INTS15: variants seen among roughly 807,000 people sequenced by gnomAD.
INTS15 encodes the protein integrator complex subunit 15, also known as uncharacterized protein C7orf26.
the INTS15 span, among the ~76,000 whole-genome samples, chr7:6,606,451 G>A: frequency 6.6e-6 from 1 of 152,138 alleles, no homozygotes; most frequent in Non-Finnish European, 1.5e-5. Flanking sequence ...ATAATATGCA[G>A]GGACGGAGCC....
the INTS15 span, among the ~76,000 whole-genome samples, chr7:6,595,589 C>T: frequency 6.6e-6 from 1 of 152,200 alleles, no homozygotes; most frequent in Non-Finnish European, 1.5e-5. Context: ...AAGTGGCAGG[C>T]AGCCCAGAAA....
the INTS15 span, chr7:6,608,286 G>T: frequency 2.1e-6 from 3 of 1,459,384 alleles, no homozygotes; most frequent in South Asian, 4.1e-5. Flanking sequence ...CGGCAGAACC[G>T]TCTTGGTGTC....
At chr7:6,590,230 G>C in the INTS15 span, 3 of 1,406,988 alleles carry the variant, frequency 2.1e-6, no homozygotes, top group Admixed American at 9.0e-5. Context: ...GCGCAGTCCC[G>C]GGCCCCGGGC....
the INTS15 span, among the ~76,000 whole-genome samples, chr7:6,594,984 T>C: frequency 6.6e-6 from 1 of 152,166 alleles, no homozygotes; most frequent in Non-Finnish European, 1.5e-5. Context: ...CGCCTCGGCC[T>C]CCCAAACTGC....
chr7:6,604,322 G>A, the INTS15 span, among the ~76,000 whole-genome samples: 13 of 152,268 alleles, frequency 8.5e-5, no homozygotes, highest in South Asian at 6.2e-4. Flanking sequence ...GTCCTACAGC[G>A]GGGTGATACT....
the INTS15 span, chr7:6,594,443 C>T: frequency 1.2e-5 from 20 of 1,613,904 alleles, no homozygotes; most frequent in Middle Eastern, 1.6e-4. Flanking sequence ...AGCGGACGCC[C>T]GTGGTTTACT....
chr7:6,604,603 C>T, the INTS15 span, among the ~76,000 whole-genome samples: 1 of 152,128 alleles, frequency 6.6e-6, no homozygotes, highest in South Asian at 2.1e-4. Flanking sequence ...CTCGGCAGCC[C>T]TGGGGGTGCA....
the INTS15 span, chr7:6,594,423 G>T: frequency 6.2e-7 from 1 of 1,613,940 alleles, no homozygotes; most frequent in Non-Finnish European, 8.5e-7. Context: ...GGACTGTGTG[G>T]CTTCTTTCCA....
chr7:6,595,778 G>A, the INTS15 span, among the ~76,000 whole-genome samples: 4 of 152,158 alleles, frequency 2.6e-5, no homozygotes, highest in African/African-American at 7.2e-5. Flanking sequence ...AAACTCTTAG[G>A]CTCAAGTGAT....
the INTS15 span, among the ~76,000 whole-genome samples, chr7:6,596,563 G>C: frequency 3.3e-5 from 5 of 151,238 alleles, no homozygotes; most frequent in Non-Finnish European, 7.4e-5. Context: ...ATTTTTAGTA[G>C]AGATGGGGTT....
the INTS15 span, among the ~76,000 whole-genome samples, chr7:6,607,321 G>A: frequency 6.6e-6 from 1 of 151,736 alleles, no homozygotes. This position sits in a 1 kb window ranked among gnomAD's most constrained non-coding sequence, Gnocchi z 6.0. Flanking sequence ...GGCCTTGGTG[G>A]GAGCGCGGTG....
chr7:6,594,576 A>G, the INTS15 span: 1 of 1,614,078 alleles, frequency 6.2e-7, no homozygotes, highest in African/African-American at 1.3e-5. Context: ...CACCTCCGTT[A>G]CCGCGCTCTA....
the INTS15 span, chr7:6,599,934 A>C: frequency 2.5e-6 from 4 of 1,614,064 alleles, no homozygotes; most frequent in African/African-American, 5.3e-5. Context: ...ATTGCGGCCA[A>C]TCTGCCAATA....
At chr7:6,603,071 G>A in the INTS15 span, among the ~76,000 whole-genome samples, 27 of 151,914 alleles carry the variant, frequency 1.8e-4, no homozygotes, top group African/African-American at 6.5e-4. Flanking sequence ...TCAACATGGT[G>A]AAACCCCGTC....
chr7:6,596,756 G>A, the INTS15 span, among the ~76,000 whole-genome samples: 9 of 152,008 alleles, frequency 5.9e-5, no homozygotes, highest in South Asian at 1.0e-3. Flanking sequence ...GCAAGCGCGT[G>A]CATATTCGTA....
chr7:6,602,192 G>T, the INTS15 span: 1 of 1,532,734 alleles, frequency 6.5e-7, no homozygotes, highest in East Asian at 2.3e-5. Context: ...GCAGGGTGGA[G>T]GGAGGCAAGA....
At chr7:6,597,344 G>T in the INTS15 span, among the ~76,000 whole-genome samples, 1 of 151,994 alleles carries the variant, frequency 6.6e-6, no homozygotes, top group East Asian at 1.9e-4. Context: ...ACCTAGGCTG[G>T]AGTGCAGTGG....
chr7:6,597,898 A>G, the INTS15 span, among the ~76,000 whole-genome samples: 1 of 152,178 alleles, frequency 6.6e-6, no homozygotes, highest in Non-Finnish European at 1.5e-5. Flanking sequence ...TCAAAGCACA[A>G]AAAGGAAGAT....
the INTS15 span, among the ~76,000 whole-genome samples, chr7:6,590,879 C>T: frequency 6.6e-6 from 1 of 151,400 alleles, no homozygotes; most frequent in African/African-American, 2.4e-5. Context: ...CACTACGTTG[C>T]CCAGGCAGGA....
Sources: allele counts gnomAD v4.1 joint callset (sites outside exome capture counted in the v4.1 genomes callset), GRCh38; gene constraint gnomAD v4.1.1; non-coding constraint Gnocchi (gnomAD v3.1); transcripts MANE v1.5; gene names NCBI Gene and HGNC (gene_info 2026-07-23, HGNC 2026-07-21).